Variants in LSAMP observed in about 807,000 individuals in gnomAD.
The protein encoded by LSAMP is limbic system-associated membrane protein.
In LSAMP, 7 loss-of-function variants were observed where a neutral mutation model predicts 38.6. That is an observed-to-expected ratio of 0.18 (90% CI 0.10 to 0.34). The LOEUF (loss-of-function observed/expected upper bound fraction) is 0.34. Among genes scored for constraint, LSAMP ranks in the 10% least tolerant of loss-of-function variants. LSAMP has a pLI of 1.00. For synonymous variants in LSAMP, 154 were observed against 166.8 expected (o/e 0.92, Z 0.59); for missense variants, 313 against 420.0 (o/e 0.75, Z 2.23).
rs61677239 is a variant in LSAMP at position 116,185,033 on chromosome 3, T to TC, written c.156-98478_156-98477insG. Among the ~76,000 whole-genome samples, 399 of 148,492 alleles carry TC rather than the reference T, an allele frequency of 2.7e-3. 3 individuals are homozygous for TC. Among genetic ancestry groups the TC allele is most frequent in the African/African-American group, 8.9e-3 (365 of 40,838 alleles). Reference sequence around the variant, plus strand: ...TTTTTTCTTTCTTTCTTTCTTTCTTTTTTTTTTTTTTTCAGTTCTCACATT... The same window carrying TC: ...TTTTTTCTTTCTTTCTTTCTTTCTTTCTTTTTTTTTTTTCAGTTCTCACATT... On this transcript the variant is annotated intron_variant, in intron 1 of 6. Coordinates refer to ENST00000490035, the MANE Select transcript of LSAMP (RefSeq NM_002338.5).
rs1414608253 is a variant in LSAMP, at chr3:116,445,364, C to T, written c.-333G>A. On this transcript the variant is annotated 5_prime_UTR_variant, in exon 1 of 7. Coordinates refer to ENST00000490035, the MANE Select transcript of LSAMP (RefSeq NM_002338.5). ...TGTTTGGTCTCTCTGTGACTGGATG[C>T]TCCTCTGCCAGTGTCTGAGCTGAGC... The T allele has an allele frequency of 5.9e-6, 3 of 512,706 alleles. No homozygotes were observed. Among genetic ancestry groups the T allele is most frequent in the Non-Finnish European group, 1.0e-5 (3 of 294,080 alleles). 31.8% of individuals were successfully genotyped at this position (512,706 alleles called of 1,614,324 possible). A position where few individuals can be genotyped will look rare whatever the true frequency, so the allele number is the denominator to read the frequency against.
chr3:116,134,066 A>G (rs1709193547), intron 1 of LSAMP, among the ~76,000 whole-genome samples: 1 of 152,200 alleles, frequency 6.6e-6, no homozygotes, highest in African/African-American at 2.4e-5. Flanking sequence ...CCACAGCATT[A>G]CCTAGAATAA....
chr3:115,994,685 A>G (rs1189345867), intron 3 of LSAMP, among the ~76,000 whole-genome samples: 1 of 152,114 alleles, frequency 6.6e-6, no homozygotes, highest in African/African-American at 2.4e-5. Flanking sequence ...AGAGTCATTA[A>G]GAGCAAATTT....
At chr3:116,160,774 T>G (rs1041105132) in intron 1 of LSAMP, among the ~76,000 whole-genome samples, 1 of 152,214 alleles carries the variant, frequency 6.6e-6, no homozygotes, top group Non-Finnish European at 1.5e-5. Context: ...GTCTGAAACT[T>G]CATTGCACAT....
At chr3:116,113,254 ATGTT>A (rs1012080113) in intron 1 of LSAMP, among the ~76,000 whole-genome samples, 1 of 150,784 alleles carries the variant, frequency 6.6e-6, no homozygotes, top group African/African-American at 2.5e-5. Flanking sequence ...AAGAATAAGA[ATGTT>A]TGTATTTGGC....
chr3:115,854,292 T>A (rs1233241344), intron 3 of LSAMP, among the ~76,000 whole-genome samples: 94 of 141,458 alleles, frequency 6.6e-4, no homozygotes, highest in Admixed American at 1.8e-3. Flanking sequence ...ATTTTTTTTT[T>A]TTTTTTTTGA....
intron 1 of LSAMP, among the ~76,000 whole-genome samples, chr3:116,281,808 G>A (rs1435231152): frequency 6.6e-6 from 1 of 152,106 alleles, no homozygotes; most frequent in African/African-American, 2.4e-5. Flanking sequence ...AAGTTTCTGT[G>A]GCTGTTGGGT....
rs1318523798 is a variant in LSAMP, at chr3:115,809,794, CA to C, written c.*522del. 1 of 152,814 alleles carries C rather than the reference CA, an allele frequency of 6.5e-6. No homozygotes were observed. Among genetic ancestry groups the C allele is most frequent in the Non-Finnish European group, 1.5e-5 (1 of 68,694 alleles). The allele number at this position is 152,814 out of a possible 1,614,324, so 9.5% of individuals were successfully genotyped here. On this transcript the variant is annotated 3_prime_UTR_variant, in exon 7 of 7. Transcript: ENST00000490035. ...GGAGAGATAGTGGAGGAAGGAAAGC[CA>C]GAGAAAGGCTCAACATAAGATTCCA...
At position 116,433,776 on chromosome 3, in the gene LSAMP, A is replaced by G. The variant is rs565677985; in HGVS notation, c.155+11101T>C. On this transcript the variant is annotated intron_variant, in intron 1 of 6. Transcript: ENST00000490035. ...CAGTCACCCCTAGAGGGAGAAAGCC[A>G]CCTAGCTCTCCAGGAAGGTAGATTC... Among the ~76,000 whole-genome samples the G allele has an allele frequency of 2.0e-5, 3 of 152,238 alleles. No homozygotes were observed. The East Asian group carries it at 5.8e-4, about 29-fold the overall frequency.
intron 1 of LSAMP, among the ~76,000 whole-genome samples, chr3:116,155,605 T>C (rs1408418837): frequency 6.7e-6 from 1 of 150,170 alleles, no homozygotes; most frequent in East Asian, 2.0e-4. Context: ...AAGTATTTAA[T>C]GTGATGTATA....
intron 1 of LSAMP, among the ~76,000 whole-genome samples, chr3:116,382,398 G>A (rs145104251): frequency 0.051 from 7,691 of 150,430 alleles, 261 homozygotes; most frequent in Non-Finnish European, 0.078. Flanking sequence ...GCAAACTATC[G>A]CAAGGACAAA....
intron 3 of LSAMP, among the ~76,000 whole-genome samples, chr3:115,983,848 G>A (rs1187424392): frequency 1.3e-5 from 2 of 152,156 alleles, no homozygotes; most frequent in Non-Finnish European, 2.9e-5. Context: ...GGCAAGGGCA[G>A]AACCACAGAG....
intron 1 of LSAMP, among the ~76,000 whole-genome samples, chr3:116,178,766 A>C (rs1414351733): frequency 2.0e-5 from 3 of 152,160 alleles, no homozygotes; most frequent in African/African-American, 7.2e-5. Flanking sequence ...CAGATAATAA[A>C]AATAAATAAA....
chr3:116,055,712 A>G (rs770776996), intron 2 of LSAMP, among the ~76,000 whole-genome samples: 11 of 152,162 alleles, frequency 7.2e-5, no homozygotes, highest in Non-Finnish European at 1.5e-4. Context: ...TAATCCTTCA[A>G]ATATATGTGG....
intron 3 of LSAMP, among the ~76,000 whole-genome samples, chr3:115,895,061 G>A (rs1174390219): frequency 6.6e-6 from 1 of 152,056 alleles, no homozygotes; most frequent in Non-Finnish European, 1.5e-5. Context: ...AAAAAAAGAT[G>A]TGTTTATTCA....
At chr3:116,403,642 G>A (rs1015954741) in intron 1 of LSAMP, among the ~76,000 whole-genome samples, 1 of 151,976 alleles carries the variant, frequency 6.6e-6, no homozygotes, top group Non-Finnish European at 1.5e-5. Context: ...ATACATATGG[G>A]TTTATTATTT....
rs994344659 is a variant in LSAMP at position 115,805,103 on chromosome 3, G to A, written c.*5214C>T. 1 of 152,206 alleles carries A rather than the reference G, an allele frequency of 6.6e-6. No individual in the cohort carries two copies. The highest frequency in any genetic ancestry group is 2.4e-5 in the African/African-American group (1 of 41,452). 9.4% of individuals were successfully genotyped at this position (152,206 alleles called of 1,614,324 possible). ...AGACATCTTAGATGGTGAGAAAGGA[G>A]TAAAAAGAAGATAGCTGGGAGTGGA... On this transcript the variant is annotated 3_prime_UTR_variant, in exon 7 of 7. Transcript: ENST00000490035.
At chr3:116,110,488 T>C (rs1428878763) in intron 1 of LSAMP, among the ~76,000 whole-genome samples, 1 of 152,154 alleles carries the variant, frequency 6.6e-6, no homozygotes, top group East Asian at 1.9e-4. Context: ...GCGCCGGAGT[T>C]TTGGGTCCAC....
intron 3 of LSAMP, among the ~76,000 whole-genome samples, chr3:115,856,373 T>C (rs556496309): frequency 1.3e-5 from 2 of 152,208 alleles, no homozygotes; most frequent in Non-Finnish European, 2.9e-5. Context: ...ACCCTAGCAC[T>C]TTGGGAGGCC....
Sources: gnomAD v4.1 joint callset for allele counts (sites outside exome capture counted in the v4.1 genomes callset) on GRCh38, gnomAD v4.1.1 for gene constraint, MANE v1.5 for transcripts, NCBI Gene and HGNC (gene_info 2026-07-23, HGNC 2026-07-21) for gene names.